SORL1: variants seen among roughly 807,000 people sequenced by gnomAD.
SORL1 encodes the protein sortilin related receptor 1, also known as sortilin-related receptor.
SORL1 carries 127 observed loss-of-function variants against 273.7 expected under a neutral mutation model. The ratio of observed to expected loss-of-function variants is 0.46; its 90% CI spans 0.40 to 0.54. The LOEUF (loss-of-function observed/expected upper bound fraction) is 0.54, where lower values mean the gene tolerates loss of function less well. Ranked by LOEUF, SORL1 falls within the 20% of genes least tolerant of loss-of-function variation. The probability of loss-of-function intolerance (pLI) is 0.00; values close to 1 mark genes in which losing one functional copy is unlikely to be tolerated. For missense variants in SORL1, 2,494 were observed against 2,846.1 expected (o/e 0.88, Z 2.81); for synonymous variants, 1,031 against 1,067.4 (o/e 0.97, Z 0.66).
At position 121,604,334 on chromosome 11, in the gene SORL1, G is replaced by T. The variant is rs77049486; in HGVS notation, c.4651+10G>T. On this transcript the variant is annotated intron_variant, in intron 33 of 47. Coordinates refer to ENST00000260197, the MANE Select transcript of SORL1 (RefSeq NM_003105.6). ...GAAAAGGCCTGCAGTGGTGAGTGCC[G>T]GTCCACGGGCTGGGCTGGGCTGGGC... 2 of 1,612,488 alleles carry T rather than the reference G, an allele frequency of 1.2e-6. No homozygotes were observed. Among genetic ancestry groups the T allele is most frequent in the Non-Finnish European group, 1.7e-6 (2 of 1,179,696 alleles).
intron 6 of SORL1, among the ~76,000 whole-genome samples, chr11:121,500,576 C>T (rs995750257): frequency 1.3e-5 from 2 of 152,218 alleles, no homozygotes; most frequent in African/African-American, 2.4e-5. Context: ...GGTACCTATA[C>T]AGAGGCAATA....
At chr11:121,606,252 A>T (rs192932408) in intron 35 of SORL1, among the ~76,000 whole-genome samples, 4 of 152,274 alleles carry the variant, frequency 2.6e-5, no homozygotes. Context: ...AAATTTACCA[A>T]ATTTATGTGT....
At chr11:121,589,616 G>A (rs1055264660) in intron 29 of SORL1, among the ~76,000 whole-genome samples, 4 of 152,198 alleles carry the variant, frequency 2.6e-5, no homozygotes, top group Non-Finnish European at 5.9e-5. Flanking sequence ...TCCTTTCTGT[G>A]GTTGGGAAGA....
At chr11:121,490,661 A>G (rs763688718) in intron 5 of SORL1, among the ~76,000 whole-genome samples, 1 of 151,748 alleles carries the variant, frequency 6.6e-6, no homozygotes, top group East Asian at 1.9e-4. Flanking sequence ...AAACTGCTTC[A>G]ACCTGGGAGG....
At chr11:121,615,176 G>A in intron 41 of SORL1, 121 bp downstream of exon 41, 1 of 725,582 alleles carries the variant, frequency 1.4e-6, no homozygotes, top group African/African-American at 1.8e-5. Context: ...GCTGCTCTTG[G>A]ATATAGGCCT....
intron 3 of SORL1, among the ~76,000 whole-genome samples, chr11:121,478,476 A>G (rs1283867431): frequency 6.6e-6 from 1 of 152,198 alleles, no homozygotes; most frequent in African/African-American, 2.4e-5. Flanking sequence ...CTAGACAAAC[A>G]ATGACAGGTT....
At chr11:121,478,964 G>T (rs920943565) in intron 3 of SORL1, among the ~76,000 whole-genome samples, 16 of 150,306 alleles carry the variant, frequency 1.1e-4, no homozygotes, top group South Asian at 1.1e-3. Context: ...GCGTGCGTGC[G>T]CATGCTTGTG....
At chr11:121,609,801 C>T (rs1351248595) in intron 38 of SORL1, 1 of 152,198 alleles carries the variant, frequency 6.6e-6, no homozygotes. Flanking sequence ...TTCTTATACA[C>T]TAAGCACCAT....
At chr11:121,587,302 C>T (rs1335181350) in intron 27 of SORL1, among the ~76,000 whole-genome samples, 1 of 152,176 alleles carries the variant, frequency 6.6e-6, no homozygotes, top group East Asian at 1.9e-4. Context: ...AGCCAGCAGG[C>T]TGGAGACCCA....
Position 121,580,716 on chromosome 11 carries a change from C to G in SORL1, c.3581-2742C>G, listed in dbSNP as rs115109988. ...ACCTCCTGGGCTCAATCCATCTTCC[C>G]GCCTTAGCCTCTTGAGTAGCTGGGG... On this transcript the variant is annotated intron_variant, in intron 25 of 47. Transcript: ENST00000260197. Among the ~76,000 whole-genome samples, 930 of 151,448 alleles carry G rather than the reference C, an allele frequency of 6.1e-3. 7 individuals are homozygous for G. The highest frequency in any genetic ancestry group is 0.021 in the African/African-American group (876 of 41,234).
intron 2 of SORL1, among the ~76,000 whole-genome samples, chr11:121,474,229 C>T (rs1226396684): frequency 6.6e-6 from 1 of 151,932 alleles, no homozygotes; most frequent in Non-Finnish European, 1.5e-5. Flanking sequence ...TGGATCAGCC[C>T]TTGGGGATTT....
intron 6 of SORL1, among the ~76,000 whole-genome samples, chr11:121,509,270 C>G (rs1213750848): frequency 6.6e-6 from 1 of 152,072 alleles, no homozygotes; most frequent in African/African-American, 2.4e-5. Flanking sequence ...AGTTCTTTAC[C>G]CATTTTCTCT....
At chr11:121,549,724 A>T (rs77824694) in intron 14 of SORL1, among the ~76,000 whole-genome samples, 5 of 144,036 alleles carry the variant, frequency 3.5e-5, no homozygotes, top group South Asian at 2.2e-4. Context: ...TGGCATGATG[A>T]TTTTTTTTTT....
chr11:121,543,833 T>C lies in SORL1; in HGVS notation c.1864+107T>C, dbSNP rs572178719. 298 of 1,053,538 alleles carry C rather than the reference T, an allele frequency of 2.8e-4. 2 individuals are homozygous for C. Among genetic ancestry groups the C allele is most frequent in the South Asian group, 1.1e-3 (64 of 60,430 alleles). The allele number at this position is 1,053,538 out of a possible 1,614,324, so 65.3% of individuals were successfully genotyped here. ...TGTACTCAGAAGAGCCTGACATTCA[T>C]TGGGGGAGATGGGCCCATAAGAGTT... On this transcript the variant is annotated intron_variant, in intron 13 of 47. Coordinates refer to ENST00000260197, the MANE Select transcript of SORL1 (RefSeq NM_003105.6).
At chr11:121,591,705 G>T (rs190515666) in intron 31 of SORL1, among the ~76,000 whole-genome samples, 65 of 152,332 alleles carry the variant, frequency 4.3e-4, no homozygotes, top group African/African-American at 1.5e-3. Context: ...ACAGCAGGCG[G>T]AACAGAGGTG....
At chr11:121,470,584 C>T (rs1291003171) in intron 2 of SORL1, among the ~76,000 whole-genome samples, 1 of 152,226 alleles carries the variant, frequency 6.6e-6, no homozygotes, top group African/African-American at 2.4e-5. Context: ...ACTTTGAAGA[C>T]TCAAGATGCC....
intron 1 of SORL1, among the ~76,000 whole-genome samples, chr11:121,465,558 C>T (rs1025069935): frequency 1.1e-4 from 16 of 151,306 alleles, no homozygotes; most frequent in South Asian, 1.0e-3. Flanking sequence ...GACGGAGTCT[C>T]GCTCTGTCGC....
intron 31 of SORL1, among the ~76,000 whole-genome samples, chr11:121,594,691 G>A (rs1342097647): frequency 1.3e-5 from 2 of 152,078 alleles, no homozygotes; most frequent in African/African-American, 4.8e-5. Flanking sequence ...GGCCTTTTTG[G>A]GGGTTAGGGC....
chr11:121,536,425 G>GTT lies in SORL1; in HGVS notation c.1685+3874_1685+3875insTT, dbSNP rs760535597. On this transcript the variant is annotated intron_variant, in intron 12 of 47. Transcript: ENST00000260197. ...TAGAGAAGCAGGTGTTCTTATCACT[G>GTT]TGTTTTTTTTTTTTTTTTTTTCTGG... is the stretch of plus-strand genomic sequence containing the variant. Among the ~76,000 whole-genome samples the GTT allele has an allele frequency of 5.6e-5, 8 of 143,762 alleles. 1 individual carries two copies. The highest frequency in any genetic ancestry group is 4.2e-4 in the East Asian group (2 of 4,806). The allele number at this position is 143,762 out of a possible 152,430, so 94.3% of individuals were successfully genotyped here. A position where few individuals can be genotyped will look rare whatever the true frequency, so the allele number is the denominator to read the frequency against.
Sources: allele counts gnomAD v4.1 joint callset (sites outside exome capture counted in the v4.1 genomes callset), GRCh38; gene constraint gnomAD v4.1.1; transcripts MANE v1.5; gene names NCBI Gene and HGNC (gene_info 2026-07-23, HGNC 2026-07-21).